The following CEP70 variants were observed in gnomAD, a reference collection of about 807,000 sequenced individuals.
The protein encoded by CEP70 is centrosomal protein of 70 kDa.
A neutral mutation model predicts 90.9 loss-of-function variants in CEP70; 70 were observed. That is an observed-to-expected ratio of 0.77 (90% confidence interval 0.64 to 0.94). CEP70 has a LOEUF of 0.94. CEP70 is among the 40% of genes least tolerant of loss of function. The pLI is 0.00. For missense variants in CEP70, 648 were observed against 669.0 expected, an observed-to-expected ratio of 0.97 and a Z score of 0.35; for synonymous variants, 220 against 228.3, an observed-to-expected ratio of 0.96 and a Z score of 0.33.
rs149449797 is a variant in CEP70 at position 138,517,824 on chromosome 3, G to A, written c.944+7666C>T. Among the ~76,000 whole-genome samples the A allele has an allele frequency of 7.3e-3, 1,112 of 152,318 alleles. 28 individuals carry two copies. Among genetic ancestry groups the A allele is most frequent in the Admixed American group, 0.044 (675 of 15,306 alleles). On this transcript the variant is annotated intron_variant, in intron 11 of 17. Transcript: ENST00000264982. ...GAGGTTCATCTCACTGGGGAGTGTCGGAAAGTGGGTGCAGGACAGTGGGTG... is the reference window on the plus strand; with the variant it reads ...GAGGTTCATCTCACTGGGGAGTGTCAGAAAGTGGGTGCAGGACAGTGGGTG...
chr3:138,525,983 G>A (rs1431936337), intron 10 of CEP70, among the ~76,000 whole-genome samples: 1 of 152,028 alleles, frequency 6.6e-6, no homozygotes, highest in Non-Finnish European at 1.5e-5. Context: ...CCATACCATA[G>A]AGAACCACTA....
At chr3:138,530,664 T>C (rs751442671) in intron 8 of CEP70, 22 of 985,394 alleles carry the variant, frequency 2.2e-5, no homozygotes, top group Non-Finnish European at 2.5e-5. Context: ...CTCCTCTGCT[T>C]CCTGTTTATC....
chr3:138,540,027 C>T (rs937556093), intron 6 of CEP70, among the ~76,000 whole-genome samples: 1 of 152,106 alleles, frequency 6.6e-6, no homozygotes, highest in African/African-American at 2.4e-5. Context: ...AAATAGAAAA[C>T]CTACAGAATG....
chr3:138,518,091 C>A (rs1347401605), intron 11 of CEP70, among the ~76,000 whole-genome samples: 1 of 152,188 alleles, frequency 6.6e-6, no homozygotes, highest in Non-Finnish European at 1.5e-5. Flanking sequence ...TTTGCTAGCA[C>A]AGAAGTCTGA....
intron 7 of CEP70, among the ~76,000 whole-genome samples, chr3:138,535,503 G>A (rs141095963): frequency 0.01 from 1,534 of 152,266 alleles, 15 homozygotes; most frequent in Non-Finnish European, 0.016. Flanking sequence ...TCATCTGTGT[G>A]TGCCCTATTA....
chr3:138,541,175 C>G (rs920808269), intron 6 of CEP70, among the ~76,000 whole-genome samples: 3 of 152,048 alleles, frequency 2.0e-5, no homozygotes, highest in Non-Finnish European at 4.4e-5. Flanking sequence ...ATAACAAACC[C>G]CAATGAAACA....
chr3:138,546,138 T>C (rs2039179061), intron 6 of CEP70, among the ~76,000 whole-genome samples: 1 of 152,098 alleles, frequency 6.6e-6, no homozygotes, highest in South Asian at 2.1e-4. Flanking sequence ...GACCTACCAA[T>C]ATGTGATGTC....
chr3:138,558,140 G>A (rs571779549), intron 6 of CEP70, among the ~76,000 whole-genome samples: 31 of 152,278 alleles, frequency 2.0e-4, no homozygotes, highest in African/African-American at 6.5e-4. Flanking sequence ...CGAGGCAGGC[G>A]GATTGCCTGA....
chr3:138,498,899 AGCTGGGTGT>A (rs1450452507), intron 16 of CEP70, among the ~76,000 whole-genome samples: 2 of 151,814 alleles, frequency 1.3e-5, no homozygotes, highest in Non-Finnish European at 2.9e-5. Context: ...TACAAAAATT[AGCTGGGTGT>A]GGTAGCGCAT....
intron 6 of CEP70, among the ~76,000 whole-genome samples, chr3:138,553,351 G>A (rs2039760061): frequency 6.6e-6 from 1 of 152,024 alleles, no homozygotes; most frequent in Non-Finnish European, 1.5e-5. Context: ...GTGGCAGCGG[G>A]TGCCTATAGT....
At chr3:138,551,835 G>A (rs1387184228) in intron 6 of CEP70, among the ~76,000 whole-genome samples, 1 of 151,540 alleles carries the variant, frequency 6.6e-6, no homozygotes, top group East Asian at 1.9e-4. Flanking sequence ...TCTTGATACT[G>A]ATGTTGAATG....
intron 6 of CEP70, among the ~76,000 whole-genome samples, chr3:138,545,361 G>C (rs1420575123): frequency 6.6e-6 from 1 of 152,160 alleles, no homozygotes; most frequent in Non-Finnish European, 1.5e-5. Context: ...ACATTTATCA[G>C]TTCCCAAATA....
At chr3:138,568,997 A>AC (rs970617694) in intron 6 of CEP70, among the ~76,000 whole-genome samples, 1 of 151,796 alleles carries the variant, frequency 6.6e-6, no homozygotes, top group African/African-American at 2.4e-5. Flanking sequence ...AAACAAACAA[A>AC]AAAAAAACAC....
intron 2 of CEP70, among the ~76,000 whole-genome samples, chr3:138,577,409 G>A (rs1432997564): frequency 2.0e-5 from 3 of 152,174 alleles, no homozygotes; most frequent in Admixed American, 6.5e-5. Context: ...AGCACTTTGG[G>A]AGGCCAAGGC....
At chr3:138,570,851 T>G (rs970854177) in intron 5 of CEP70, among the ~76,000 whole-genome samples, 183 bp downstream of exon 5, 1 of 152,182 alleles carries the variant, frequency 6.6e-6, no homozygotes, top group African/African-American at 2.4e-5. Flanking sequence ...AAATATAGGG[T>G]ACCATTAAAC....
chr3:138,515,026 C>T (rs1413406780), intron 11 of CEP70, among the ~76,000 whole-genome samples: 1 of 152,028 alleles, frequency 6.6e-6, no homozygotes, highest in Non-Finnish European at 1.5e-5. Context: ...TAATAAAAGT[C>T]ACTCGAAAGA....
At chr3:138,524,302 G>A (rs1449116966) in intron 11 of CEP70, among the ~76,000 whole-genome samples, 2 of 151,696 alleles carry the variant, frequency 1.3e-5, no homozygotes, top group Non-Finnish European at 1.5e-5. Context: ...TACCATTCAG[G>A]ACATAGGCAT....
chr3:138,555,248 CAAA>C (rs200406072), intron 6 of CEP70, among the ~76,000 whole-genome samples: 2 of 127,212 alleles, frequency 1.6e-5, no homozygotes, highest in Non-Finnish European at 3.2e-5. Context: ...GACTCCATCT[CAAA>C]AAAAAAAAAA....
At chr3:138,516,568 T>C (rs189903752) in intron 11 of CEP70, among the ~76,000 whole-genome samples, 14 of 152,288 alleles carry the variant, frequency 9.2e-5, no homozygotes, top group Admixed American at 5.9e-4. Context: ...AAATTCTTTG[T>C]AGAGACAAGG....
Sources: allele counts gnomAD v4.1 joint callset (sites outside exome capture counted in the v4.1 genomes callset), GRCh38; gene constraint gnomAD v4.1.1; transcripts MANE v1.5; gene names NCBI Gene and HGNC (gene_info 2026-07-23, HGNC 2026-07-21).